Variants in KAZALD1 observed in about 807,000 individuals in gnomAD.
The protein encoded by KAZALD1 is kazal-type serine protease inhibitor domain-containing protein 1.
A neutral mutation model predicts 27.7 loss-of-function variants in KAZALD1; 31 were observed. The ratio of observed to expected loss-of-function variants is 1.12; its 90% confidence interval spans 0.84 to 1.51. KAZALD1 has a LOEUF of 1.51. KAZALD1 is among the 40% of genes most tolerant of loss of function. The pLI is 0.00. For synonymous variants in KAZALD1, 179 were observed against 182.0 expected, an observed-to-expected ratio of 0.98 and a Z score of 0.13; for missense variants, 444 against 408.9, an observed-to-expected ratio of 1.09 and a Z score of -0.74.
In KAZALD1 at chr10:101,062,981, C is replaced by A. The variant is rs770331163; in HGVS notation, c.389C>A (p.Ser130Ter). The A allele has an allele frequency of 6.2e-7, 1 of 1,601,222 alleles. No individual in the cohort carries two copies. Among genetic ancestry groups the A allele is most frequent in the Non-Finnish European group, 8.5e-7 (1 of 1,179,334 alleles). The change falls in exon 2 of 5, where the codon TCG becomes TAG. Residue 130 changes from serine (S) to a stop codon, truncating the protein, a stop_gained. Transcript: ENST00000370200. LOFTEE classifies it high-confidence loss of function. Reference sequence around the variant, plus strand: ...CCGGAACCTCTGTGTGCCTGTCGTTCGCAGAGTCCGCTCTGCGGGTCCGAC... The same window carrying A: ...CCGGAACCTCTGTGTGCCTGTCGTTAGCAGAGTCCGCTCTGCGGGTCCGAC... ...EVPEPLCACR[S>*]QSPLCGSDGH...
intron 2 of KAZALD1, 178 bp from the exon 3 acceptor site, chr10:101,064,083 G>A (rs937820944): frequency 3.4e-5 from 22 of 647,132 alleles, no homozygotes; most frequent in Middle Eastern, 3.7e-4. Context: ...GTGTGTACCA[G>A]CATCCATATC....
Position 101,064,657 on chromosome 10 carries a change from A to G in KAZALD1, c.820+9A>G. On this transcript the variant is annotated intron_variant, in intron 4 of 4. Coordinates refer to ENST00000370200, the MANE Select transcript of KAZALD1 (RefSeq NM_030929.5). ...GACAGTGCTCACACCTGGTAAGGGG[A>G]TTCCTGAGTTCTGGGGGTTGGGGGG... The G allele has an allele frequency of 6.2e-7, 1 of 1,613,266 alleles. No homozygotes were observed. The highest frequency in any genetic ancestry group is 1.7e-5 in the Admixed American group (1 of 60,014).
chr10:101,063,989 G>T (rs1382316492), intron 2 of KAZALD1, among the ~76,000 whole-genome samples: 2 of 152,246 alleles, frequency 1.3e-5, no homozygotes, highest in East Asian at 1.9e-4. Flanking sequence ...GTAGATGTGT[G>T]TGCTTGTTTG....
chr10:101,066,620 G>C lies in KAZALD1; in HGVS notation c.*1700G>C. The C allele has an allele frequency of 2.4e-6, 1 of 408,660 alleles. No individual in the cohort carries two copies. The highest frequency in any genetic ancestry group is 7.3e-5 in the East Asian group (1 of 13,760). The allele number at this position is 408,660 out of a possible 1,614,324, so 25.3% of individuals were successfully genotyped here. On this transcript the variant is annotated 3_prime_UTR_variant, in exon 5 of 5. Transcript: ENST00000370200. Reference sequence around the variant, plus strand: ...CCCGGCGCTGAAAGAGGGGACGTGGGTGTGAGTCCCAGCATCAGCCAGGGA... The same window carrying C: ...CCCGGCGCTGAAAGAGGGGACGTGGCTGTGAGTCCCAGCATCAGCCAGGGA...
chr10:101,064,365 A>G lies in KAZALD1; in HGVS notation c.616A>G (p.Arg206Gly). Residue 206 changes from arginine to glycine, a missense_variant, in exon 3 of 5, where the codon AGG (arginine) becomes GGG (glycine). Transcript: ENST00000370200. Reference sequence around the variant, plus strand: ...CTACCCCATGGCCTCCATCGAGTGGAGGAAGGATGGCTTGGACATCCAGCT... The same window carrying G: ...CTACCCCATGGCCTCCATCGAGTGGGGGAAGGATGGCTTGGACATCCAGCT... The part of the protein sequence containing the change: ...FAYPMASIEW[R>G]KDGLDIQLPG... 4 of 1,614,206 alleles carry G rather than the reference A, an allele frequency of 2.5e-6. No homozygotes were observed. The highest frequency in any genetic ancestry group is 3.4e-6 in the Non-Finnish European group (4 of 1,180,026).
intron 2 of KAZALD1, among the ~76,000 whole-genome samples, chr10:101,063,905 A>G (rs1277085332): frequency 6.6e-6 from 1 of 152,234 alleles, no homozygotes; most frequent in African/African-American, 2.4e-5. Context: ...GATTACAGGC[A>G]CGCAGGAAAG....
At chr10:101,062,182 A>C in intron 1 of KAZALD1, 67 bp downstream of exon 1, 2 of 206,162 alleles carry the variant, frequency 9.7e-6, no homozygotes, top group Non-Finnish European at 1.9e-5. Flanking sequence ...ACCCCCCATT[A>C]GCAGCTTCTT....
At chr10:101,063,187 GC>G in intron 2 of KAZALD1, 84 bp downstream of exon 2, 2 of 1,219,950 alleles carry the variant, frequency 1.6e-6, no homozygotes, top group Non-Finnish European at 2.2e-6. Flanking sequence ...TTGGTCTCTG[GC>G]CAGCAGAGCA....
downstream of KAZALD1, chr10:101,067,616 T>C (rs1002655063): frequency 1.3e-4 from 44 of 334,684 alleles, no homozygotes; most frequent in South Asian, 9.7e-4. Flanking sequence ...CCTCGGGCTG[T>C]CGTGAGGAGG....
chr10:101,064,672 G>A, intron 4 of KAZALD1, 24 bp downstream of exon 4: 1 of 1,612,976 alleles, frequency 6.2e-7, no homozygotes, highest in Non-Finnish European at 8.5e-7. Context: ...TGAGTTCTGG[G>A]GGTTGGGGGG....
rs1207343376 is a variant in KAZALD1, at chr10:101,064,344, C to A, written c.595C>A (p.Pro199Thr). 3 of 1,614,176 alleles carry A rather than the reference C, an allele frequency of 1.9e-6. No homozygotes were observed. Among genetic ancestry groups the A allele is most frequent in the Non-Finnish European group, 2.5e-6 (3 of 1,180,030 alleles). ...CTTTGGCTGTGAAGTGTTTGCCTAC[C>A]CCATGGCCTCCATCGAGTGGAGGAA... is the stretch of plus-strand genomic sequence containing the variant. ...VIFGCEVFAY[P>T]MASIEWRKDG... Residue 199 changes from proline to threonine, a missense_variant, in exon 3 of 5, where the codon CCC becomes ACC. By Grantham distance (38) the Pro-to-Thr change is conservative. Coordinates refer to ENST00000370200, the MANE Select transcript of KAZALD1 (RefSeq NM_030929.5).
chr10:101,062,887 T>C lies in KAZALD1; in HGVS notation c.295T>C (p.Tyr99His), dbSNP rs771261863. ...LCDLDPSAHF[Y>H]GHCGEQLECR... is the part of the protein sequence containing the mutation. ...CGACCTGGACCCCAGTGCTCACTTC[T>C]ACGGGCACTGCGGCGAGCAGCTTGA... The change falls in exon 2 of 5, where the codon TAC (tyrosine) becomes CAC (histidine). Residue 99 changes from tyrosine to histidine, a missense_variant. Tyr to His is a moderately conservative substitution (Grantham distance 83). Coordinates refer to ENST00000370200, the MANE Select transcript of KAZALD1 (RefSeq NM_030929.5). The C allele has an allele frequency of 1.0e-5, 16 of 1,603,216 alleles. No homozygotes were observed. The highest frequency in any genetic ancestry group is 9.3e-5 in the African/African-American group (7 of 74,912).
At position 101,062,796 on chromosome 10, in the gene KAZALD1, G is replaced by A; in HGVS notation, c.204G>A (p.Leu68=). 1 of 1,572,890 alleles carries A rather than the reference G, an allele frequency of 6.4e-7. No homozygotes were observed. The highest frequency in any genetic ancestry group is 8.6e-7 in the Non-Finnish European group (1 of 1,167,172). ...PEECAAPRGC[L]AGRVRDACGC... ...AGTGCGCCGCGCCGCGGGGCTGCCT[G>A]GCGGGCAGGGTGCGCGACGCGTGCG... is the stretch of plus-strand genomic sequence containing the variant. Residue 68 remains leucine, a synonymous_variant, in exon 2 of 5, where the codon CTG becomes CTA. Transcript: ENST00000370200.
rs1191612825 is a variant in KAZALD1, at chr10:101,062,597, TGCC to T, written c.14_16del (p.Pro5del). On this transcript the variant is annotated inframe_deletion, in exon 2 of 5. Transcript: ENST00000370200. ...TCGCAGGGCTTCCCGCTAACCATGC[TGCC>T]GCCGCCGCGGCCCGCAGCTGCCTTG... The T allele has an allele frequency of 6.3e-7, 1 of 1,584,190 alleles. No homozygotes were observed. Among genetic ancestry groups the T allele is most frequent in the Non-Finnish European group, 8.5e-7 (1 of 1,174,378 alleles).
chr10:101,067,002 T>C lies in KAZALD1; in HGVS notation c.*2082T>C, dbSNP rs1031842148. 6.3e-6 allele frequency: 2 copies of C among 317,534 alleles called. No individual in the cohort carries two copies. Among genetic ancestry groups the C allele is most frequent in the Non-Finnish European group, 1.2e-5 (2 of 161,120 alleles). The allele number at this position is 317,534 out of a possible 1,614,324, so 19.7% of individuals were successfully genotyped here. ...CTGGAAAGTGACACGCGATTTATTA[T>C]TAAAGTAATGCGGGCGCAGGGACGG... On this transcript the variant is annotated 3_prime_UTR_variant, in exon 5 of 5. Coordinates refer to ENST00000370200, the MANE Select transcript of KAZALD1 (RefSeq NM_030929.5).
At chr10:101,068,093 C>A, downstream of KAZALD1, 1 of 438,824 alleles carries the variant, frequency 2.3e-6, no homozygotes. Context: ...AGACAATTTA[C>A]TTGACTGGAA....
rs1012397766 is a variant in KAZALD1, at chr10:101,066,300, G to C, written c.*1380G>C. The C allele has an allele frequency of 2.3e-6, 1 of 432,378 alleles. No individual in the cohort carries two copies. The highest frequency in any genetic ancestry group is 2.0e-5 in the African/African-American group (1 of 49,576). The allele number at this position is 432,378 out of a possible 1,614,324, so 26.8% of individuals were successfully genotyped here. A position where few individuals can be genotyped will look rare whatever the true frequency, so the allele number is the denominator to read the frequency against. The stretch of plus-strand genomic sequence containing the variant: ...CAGAGTTTGTCCTCTGGGGCCCAAC[G>C]CAGGGAGCCTGGCCACATGGGAGGG... On this transcript the variant is annotated 3_prime_UTR_variant, in exon 5 of 5. Coordinates refer to ENST00000370200, the MANE Select transcript of KAZALD1 (RefSeq NM_030929.5).
At chr10:101,063,576 C>T (rs1365910878) in intron 2 of KAZALD1, among the ~76,000 whole-genome samples, 3 of 152,204 alleles carry the variant, frequency 2.0e-5, no homozygotes, top group Non-Finnish European at 4.4e-5. Context: ...TGAAGGGGAG[C>T]GGGAAGTTCT....
At position 101,065,109 on chromosome 10, in the gene KAZALD1, G is replaced by T; in HGVS notation, c.*189G>T. On this transcript the variant is annotated 3_prime_UTR_variant, in exon 5 of 5. Coordinates refer to ENST00000370200, the MANE Select transcript of KAZALD1 (RefSeq NM_030929.5). The stretch of plus-strand genomic sequence containing the variant: ...GGATAGAGACAAAAGCTGGAGGAGG[G>T]TAGGGAGAGAAGCTGAGACCAGGAC... The T allele has an allele frequency of 1.7e-6, 1 of 589,070 alleles. No individual in the cohort carries two copies. Among genetic ancestry groups the T allele is most frequent in the Non-Finnish European group, 3.0e-6 (1 of 330,264 alleles). 36.5% of individuals were successfully genotyped at this position (589,070 alleles called of 1,614,324 possible).
Sources: allele counts gnomAD v4.1 joint callset (sites outside exome capture counted in the v4.1 genomes callset), GRCh38; gene constraint gnomAD v4.1.1; transcripts MANE v1.5; gene names NCBI Gene and HGNC (gene_info 2026-07-23, HGNC 2026-07-21).